The following ARRDC2 variants were observed in gnomAD, a reference collection of about 807,000 sequenced individuals.
ARRDC2 encodes the protein arrestin domain containing 2.
In ARRDC2, 39 loss-of-function variants were observed where a neutral mutation model predicts 38.9. The observed-to-expected ratio is 1.00, with a 90% CI of 0.78 to 1.31. ARRDC2 has a LOEUF of 1.31. ARRDC2 is among the 50% of genes most tolerant of loss of function. ARRDC2 has a pLI of 0.00. For synonymous variants in ARRDC2, 300 were observed against 261.9 expected, an observed-to-expected ratio of 1.15 and a Z score of -1.41; for missense variants, 553 against 588.4, an observed-to-expected ratio of 0.94 and a Z score of 0.62.
chr19:18,013,111 G>A lies in ARRDC2; in HGVS notation c.*145G>A. The A allele has an allele frequency of 1.3e-6, 1 of 799,194 alleles. No individual in the cohort carries two copies. Among genetic ancestry groups the A allele is most frequent in the South Asian group, 1.7e-5 (1 of 57,920 alleles). 49.5% of individuals were successfully genotyped at this position (799,194 alleles called of 1,614,324 possible). The stretch of plus-strand genomic sequence containing the variant: ...CTCAGAGTGAGGCGGGGGCCTTTCG[G>A]ATATCACATGGGACAGAGGAAGAGC... On this transcript the variant is annotated 3_prime_UTR_variant, in exon 8 of 8. Transcript: ENST00000222250.
intron 6 of ARRDC2, 61 bp downstream of exon 6, chr19:18,010,419 G>T (rs2033388390): frequency 6.4e-7 from 1 of 1,573,724 alleles, no homozygotes; most frequent in South Asian, 1.1e-5. Flanking sequence ...GTGGATGCCG[G>T]GTCAACTCTC....
chr19:18,003,928 AGTG>A, upstream of ARRDC2, among the ~76,000 whole-genome samples: 1 of 150,938 alleles, frequency 6.6e-6, no homozygotes, highest in East Asian at 2.0e-4. Context: ...CATGAGCCAC[AGTG>A]CCCGGCCAAT....
Position 18,013,050 on chromosome 19 carries a change from G to T in ARRDC2, c.*84G>T. ...GTGGGGAGTGGCTGGACCAAGGGCTGACCTCCCCGACTGCATCAAAGTTGG... is the reference window on the plus strand; with the variant it reads ...GTGGGGAGTGGCTGGACCAAGGGCTTACCTCCCCGACTGCATCAAAGTTGG... On this transcript the variant is annotated 3_prime_UTR_variant, in exon 8 of 8. Coordinates refer to ENST00000222250, the MANE Select transcript of ARRDC2 (RefSeq NM_015683.2). 1 of 1,421,972 alleles carries T rather than the reference G, an allele frequency of 7.0e-7. No homozygotes were observed. The highest frequency in any genetic ancestry group is 1.2e-5 in the South Asian group (1 of 83,904). 88.1% of individuals were successfully genotyped at this position (1,421,972 alleles called of 1,614,324 possible). A position where few individuals can be genotyped will look rare whatever the true frequency, so the allele number is the denominator to read the frequency against.
chr19:18,012,766 T>C, intron 7 of ARRDC2, 147 bp from the exon 8 acceptor site: 2 of 773,186 alleles, frequency 2.6e-6, no homozygotes, highest in Non-Finnish European at 4.2e-6. Context: ...AAAACCCTCC[T>C]TGCACCCCAG....
At position 18,010,017 on chromosome 19, in the gene ARRDC2, T is replaced by C; in HGVS notation, c.827T>C (p.Leu276Pro). The C allele has an allele frequency of 1.2e-6, 2 of 1,602,590 alleles. No homozygotes were observed. Among genetic ancestry groups the C allele is most frequent in the Non-Finnish European group, 1.7e-6 (2 of 1,179,764 alleles). ...VGPSILHCRV[L>P]HVDYALKVCV... ...CCTTCCATCCTGCACTGCCGCGTTC[T>C]ACACGTGGACTACGCACTCAAGGTA... The change falls in exon 5 of 8, where the codon CTA (leucine) becomes CCA (proline). Residue 276 changes from leucine to proline, a missense_variant. Transcript: ENST00000222250.
intron 7 of ARRDC2, among the ~76,000 whole-genome samples, chr19:18,011,098 A>G (rs1016450506): frequency 2.0e-5 from 3 of 152,128 alleles, no homozygotes; most frequent in Admixed American, 6.6e-5. Flanking sequence ...TCCCTGGTAG[A>G]GCGATTCTCC....
In ARRDC2 at chr19:18,010,727, G is replaced by A; in HGVS notation, c.1168G>A (p.Glu390Lys). Residue 390 changes from glutamate (E) to lysine (K), a missense_variant and splice_region_variant, in exon 7 of 8, where the codon GAG becomes AAG. By Grantham distance (56) the Glu-to-Lys change is moderately conservative (BLOSUM62 1). Coordinates refer to ENST00000222250, the MANE Select transcript of ARRDC2 (RefSeq NM_015683.2). ...CTACCGCCCGCCACCCCTGTACTCT[G>A]AGGTGAGCTCAGGGGTCTGAGAACC... Reference protein sequence around the residue: ...FRYRPPPLYSEEDPNPLLGDM... With the variant: ...FRYRPPPLYSKEDPNPLLGDM... The A allele has an allele frequency of 1.2e-6, 2 of 1,613,692 alleles. No homozygotes were observed. The highest frequency in any genetic ancestry group is 1.3e-5 in the African/African-American group (1 of 75,060).
intron 1 of ARRDC2, 34 bp from the exon 2 acceptor site, chr19:18,008,677 C>A (rs755971464): frequency 2.5e-6 from 4 of 1,610,682 alleles, no homozygotes; most frequent in Non-Finnish European, 2.5e-6. Context: ...CCCAGCGCAA[C>A]CGCTCAGTCG....
At chr19:18,010,497 C>G in intron 6 of ARRDC2, 75 bp from the exon 7 acceptor site, 2 of 1,572,844 alleles carry the variant, frequency 1.3e-6, no homozygotes, top group South Asian at 2.2e-5. Flanking sequence ...CTGGCACAAG[C>G]CAGCTCCTGG....
At chr19:18,001,613 C>T in intron 1 of ARRDC2, 2 of 1,297,020 alleles carry the variant, frequency 1.5e-6, no homozygotes, top group Non-Finnish European at 9.8e-7. Context: ...CAGCCGGGAC[C>T]CCCTCGGCCG....
intron 7 of ARRDC2, among the ~76,000 whole-genome samples, chr19:18,011,952 A>ATTTTTTT (rs71164342): frequency 9.9e-6 from 1 of 100,752 alleles, no homozygotes; most frequent in African/African-American, 4.3e-5. Flanking sequence ...ATATATATAT[A>ATTTTTTT]TTTTTTTTTT....
intron 6 of ARRDC2, 54 bp downstream of exon 6, chr19:18,010,412 G>C: frequency 1.3e-6 from 2 of 1,580,224 alleles, no homozygotes; most frequent in Non-Finnish European, 1.7e-6. Context: ...CGGAGAGGTG[G>C]ATGCCGGGTC....
In ARRDC2 at chr19:18,010,007, T is replaced by A. The variant is rs2033378916; in HGVS notation, c.817T>A (p.Cys273Ser). 1 of 1,600,648 alleles carries A rather than the reference T, an allele frequency of 6.2e-7. No homozygotes were observed. Among genetic ancestry groups the A allele is most frequent in the Admixed American group, 1.7e-5 (1 of 59,680 alleles). Residue 273 changes from cysteine to serine, a missense_variant, in exon 5 of 8, where the codon TGC (cysteine) becomes AGC (serine). Transcript: ENST00000222250. ...IPPVGPSILHCRVLHVDYALK... is the reference protein window; with the variant it reads ...IPPVGPSILHSRVLHVDYALK... ...CCCAGTGGGTCCTTCCATCCTGCAC[T>A]GCCGCGTTCTACACGTGGACTACGC...
chr19:18,004,635 G>A (rs538087478), upstream of ARRDC2, among the ~76,000 whole-genome samples: 1 of 151,810 alleles, frequency 6.6e-6, no homozygotes, highest in South Asian at 2.1e-4. Flanking sequence ...GTTGCAGTGA[G>A]CCAAGATGGT....
chr19:18,010,937 C>T (rs1055014171), intron 7 of ARRDC2, among the ~76,000 whole-genome samples: 6 of 152,076 alleles, frequency 3.9e-5, no homozygotes, highest in African/African-American at 1.4e-4. Flanking sequence ...GCCTCAGCCT[C>T]TTGAGTAGCT....
intron 4 of ARRDC2, 43 bp from the exon 5 acceptor site, chr19:18,009,740 G>A (rs777389569): frequency 3.2e-5 from 52 of 1,612,704 alleles, no homozygotes; most frequent in Non-Finnish European, 3.7e-5. Context: ...TGGTGTTGGG[G>A]TTGCAGGAGG....
Position 18,008,578 on chromosome 19 carries a change from G to A in ARRDC2, c.268G>A (p.Ala90Thr). 1 of 1,586,108 alleles carries A rather than the reference G, an allele frequency of 6.3e-7. No individual in the cohort carries two copies. Among genetic ancestry groups the A allele is most frequent in the Non-Finnish European group, 8.5e-7 (1 of 1,173,678 alleles). ...EVVSHRATLL[A>T]PDTGETTTLP... is the part of the protein sequence containing the mutation. ...CGTGAGCCACCGCGCCACGCTCCTGGCGCCAGGTACGGATGGAGGACCCCT... is the reference window on the plus strand; with the variant it reads ...CGTGAGCCACCGCGCCACGCTCCTGACGCCAGGTACGGATGGAGGACCCCT... The change falls in exon 1 of 8, where the codon GCG becomes ACG. Residue 90 changes from alanine (A) to threonine (T), a missense_variant. Transcript: ENST00000222250.
intron 1 of ARRDC2, chr19:18,001,664 A>C (rs1399174509): frequency 2.5e-6 from 3 of 1,222,802 alleles, no homozygotes; most frequent in African/African-American, 1.6e-5. Context: ...CTTAGAACCT[A>C]TGCGGTCGGG....
intron 6 of ARRDC2, 29 bp from the exon 7 acceptor site, chr19:18,010,543 A>G (rs370881797): frequency 8.8e-5 from 142 of 1,611,106 alleles, no homozygotes; most frequent in East Asian, 4.7e-4. Flanking sequence ...TCTCCTGCCA[A>G]CCTCACCCAC....
Sources: allele counts gnomAD v4.1 joint callset (sites outside exome capture counted in the v4.1 genomes callset), GRCh38; gene constraint gnomAD v4.1.1; transcripts MANE v1.5; gene names NCBI Gene and HGNC (gene_info 2026-07-23, HGNC 2026-07-21).